Variants in ICE1 observed in about 807,000 individuals in gnomAD.
The protein encoded by ICE1 is interactor of little elongation complex ELL subunit 1.
A neutral mutation model predicts 192.7 loss-of-function variants in ICE1; 64 were observed. The observed-to-expected ratio is 0.33, with a 90% CI of 0.27 to 0.41. The LOEUF (loss-of-function observed/expected upper bound fraction) is 0.41, where lower values mean the gene tolerates loss of function less well. Among genes scored for constraint, ICE1 ranks in the 10% least tolerant of loss-of-function variants. ICE1 has a pLI of 1.00. For missense variants in ICE1, 2,708 were observed against 2,696.0 expected, an observed-to-expected ratio of 1.00 and a Z score of -0.10; for synonymous variants, 1,010 against 984.5, an observed-to-expected ratio of 1.03 and a Z score of -0.49.
At chr5:5,459,736 A>T (rs1177838509) in intron 12 of ICE1, among the ~76,000 whole-genome samples, 1 of 152,232 alleles carries the variant, frequency 6.6e-6, no homozygotes, top group Non-Finnish European at 1.5e-5. Flanking sequence ...TCTCTAACAG[A>T]ATAGAGACAA....
intron 8 of ICE1, 25 bp downstream of exon 8, chr5:5,447,534 A>T (rs371453289): frequency 1.4e-5 from 21 of 1,513,006 alleles, no homozygotes; most frequent in Non-Finnish European, 1.9e-5. Flanking sequence ...CAGCATACAC[A>T]CACCTTAAAT....
chr5:5,427,743 A>T (rs1737567345), intron 1 of ICE1, among the ~76,000 whole-genome samples: 1 of 152,198 alleles, frequency 6.6e-6, no homozygotes, highest in Non-Finnish European at 1.5e-5. Flanking sequence ...CATTTGCCAA[A>T]CACATTTATT....
intron 8 of ICE1, 75 bp downstream of exon 8, chr5:5,447,584 C>T: frequency 2.9e-6 from 4 of 1,377,130 alleles, no homozygotes; most frequent in Non-Finnish European, 4.0e-6. Context: ...TGTGTTGTAA[C>T]TCACGTAGGA....
chr5:5,447,348 G>T, intron 7 of ICE1, 79 bp from the exon 8 acceptor site: 1 of 880,504 alleles, frequency 1.1e-6, no homozygotes, highest in South Asian at 1.8e-5. Flanking sequence ...TAATAGATAA[G>T]ATTTTGAGTA....
intron 16 of ICE1, among the ~76,000 whole-genome samples, chr5:5,474,070 C>A (rs1370430048): frequency 6.6e-6 from 1 of 151,760 alleles, no homozygotes; most frequent in South Asian, 2.1e-4. Flanking sequence ...ATTAGCTGGG[C>A]GTGGTGGTGG....
intron 1 of ICE1, among the ~76,000 whole-genome samples, chr5:5,433,324 T>G (rs1737779021): frequency 6.6e-6 from 1 of 152,150 alleles, no homozygotes; most frequent in Admixed American, 6.5e-5. Flanking sequence ...TGAGAAAGTT[T>G]GCAACTAGTG....
chr5:5,453,942 C>T (rs889851720), intron 10 of ICE1, among the ~76,000 whole-genome samples: 2 of 152,114 alleles, frequency 1.3e-5, no homozygotes, highest in Admixed American at 1.3e-4. Context: ...GTATGTGCTT[C>T]TCTGTCTGCT....
At position 5,460,667 on chromosome 5, in the gene ICE1, T is replaced by C. The variant is rs1445393816; in HGVS notation, c.1333T>C (p.Phe445Leu). Residue 445 changes from phenylalanine to leucine, a missense_variant, in exon 13 of 19, where the codon TTC (phenylalanine) becomes CTC (leucine). This residue lies in a region of ICE1 where 2,366 missense variants were observed against 2,276.6 expected (regional missense o/e 1.04). Coordinates refer to ENST00000296564, the MANE Select transcript of ICE1 (RefSeq NM_015325.3). ...NKVTTSGLETFTATLRESSAT... is the reference protein window; with the variant it reads ...NKVTTSGLETLTATLRESSAT... Reference sequence around the variant, plus strand: ...AGTGACAACTTCTGGACTCGAGACTTTCACAGCAACACTGAGAGAATCTTC... The same window carrying C: ...AGTGACAACTTCTGGACTCGAGACTCTCACAGCAACACTGAGAGAATCTTC... The C allele has an allele frequency of 6.2e-7, 1 of 1,613,946 alleles. No individual in the cohort carries two copies. Among genetic ancestry groups the C allele is most frequent in the Non-Finnish European group, 8.5e-7 (1 of 1,179,892 alleles).
At chr5:5,429,221 A>G (rs1737624073) in intron 1 of ICE1, among the ~76,000 whole-genome samples, 1 of 152,106 alleles carries the variant, frequency 6.6e-6, no homozygotes, top group Non-Finnish European at 1.5e-5. Flanking sequence ...CTGGTCTTGT[A>G]GGCACCCTCT....
chr5:5,460,743 C>A lies in ICE1; in HGVS notation c.1409C>A (p.Ser470Tyr). 6.2e-7 allele frequency: 1 copy of A among 1,613,930 alleles called. No individual in the cohort carries two copies. The highest frequency in any genetic ancestry group is 8.5e-7 in the Non-Finnish European group (1 of 1,179,874). Residue 470 changes from serine to tyrosine, a missense_variant, in exon 13 of 19, where the codon TCC (serine) becomes TAC (tyrosine). This residue lies in a region of ICE1 where 2,366 missense variants were observed against 2,276.6 expected (regional missense o/e 1.04). Transcript: ENST00000296564. ...AAACACTGGACCACAGCATCTCGAT[C>A]CATGAGTGATAGAAAAAGAGACATT... ...GEKHWTTASR[S>Y]MSDRKRDILH...
intron 10 of ICE1, among the ~76,000 whole-genome samples, chr5:5,448,230 T>A (rs1386158539): frequency 6.6e-6 from 1 of 152,292 alleles, no homozygotes; most frequent in East Asian, 1.9e-4. Context: ...ATTTCCTGGG[T>A]ACCAAGTATA....
rs1737891077 is a variant in ICE1 at position 5,437,064 on chromosome 5, C to CT, written c.144-12dup. ...TAAATTAAAAAGTAACCTAATTTTT[C>CT]TTTTCTTTTTTGCAGTAATTTGTTA... On this transcript the variant is annotated splice_polypyrimidine_tract_variant and intron_variant, in intron 2 of 18. Coordinates refer to ENST00000296564, the MANE Select transcript of ICE1 (RefSeq NM_015325.3). The CT allele has an allele frequency of 1.4e-6, 2 of 1,430,302 alleles. No homozygotes were observed. Among genetic ancestry groups the CT allele is most frequent in the Non-Finnish European group, 1.9e-6 (2 of 1,037,738 alleles). 88.6% of individuals were successfully genotyped at this position (1,430,302 alleles called of 1,614,324 possible). A position where few individuals can be genotyped will look rare whatever the true frequency, so the allele number is the denominator to read the frequency against.
chr5:5,459,766 G>T (rs935088751), intron 12 of ICE1, among the ~76,000 whole-genome samples: 1 of 152,184 alleles, frequency 6.6e-6, no homozygotes, highest in Non-Finnish European at 1.5e-5. Context: ...TGCTGTCAGT[G>T]CACGCCAAGT....
intron 17 of ICE1, among the ~76,000 whole-genome samples, chr5:5,481,390 C>T (rs1467478267): frequency 6.6e-6 from 1 of 152,138 alleles, no homozygotes; most frequent in Admixed American, 6.5e-5. Flanking sequence ...CCTTATACGA[C>T]AGCGGAAGCA....
intron 12 of ICE1, 94 bp from the exon 13 acceptor site, chr5:5,460,342 G>T (rs1438601763): frequency 4.7e-6 from 4 of 857,884 alleles, no homozygotes; most frequent in Non-Finnish European, 7.1e-6. Flanking sequence ...AGATTCTTCA[G>T]GAAACGTGTA....
At chr5:5,468,073 A>G (rs180740290) in intron 14 of ICE1, among the ~76,000 whole-genome samples, 3 of 152,374 alleles carry the variant, frequency 2.0e-5, no homozygotes, top group East Asian at 1.9e-4. Context: ...CTACTTGGCT[A>G]TACAAAGGAA....
chr5:5,463,379 C>A lies in ICE1; in HGVS notation c.4045C>A (p.Arg1349Ser). 1 of 1,613,762 alleles carries A rather than the reference C, an allele frequency of 6.2e-7. No homozygotes were observed. The highest frequency in any genetic ancestry group is 8.5e-7 in the Non-Finnish European group (1 of 1,179,836). The change falls in exon 13 of 19, where the codon CGT becomes AGT. Residue 1349 changes from arginine to serine, a missense_variant. Coordinates refer to ENST00000296564, the MANE Select transcript of ICE1 (RefSeq NM_015325.3). ...NENPQSRPEA[R>S]SDAGRQTDGG... ...AAACCCTCAGAGCAGACCAGAGGCC[C>A]GTTCAGATGCAGGCAGGCAAACCGA...
intron 10 of ICE1, among the ~76,000 whole-genome samples, chr5:5,449,222 T>C (rs997478013): frequency 3.9e-5 from 6 of 152,214 alleles, no homozygotes; most frequent in Non-Finnish European, 8.8e-5. Flanking sequence ...ATGTCTGTTG[T>C]ATATTTTACT....
chr5:5,431,234 A>G lies in ICE1; in HGVS notation c.85-5184A>G, dbSNP rs536966781. ...CAAAGAACTCAAAAGAGAATGGGAG[A>G]AAAAAGAGGAAGAATCACTTTTATT... is the stretch of plus-strand genomic sequence containing the variant. On this transcript the variant is annotated intron_variant, in intron 1 of 18. Transcript: ENST00000296564. Among the ~76,000 whole-genome samples the G allele has an allele frequency of 3.3e-5, 5 of 152,338 alleles. No homozygotes were observed. In the South Asian group the frequency reaches 8.3e-4, roughly 25 times the overall value.
Sources: gnomAD v4.1 joint callset for allele counts (sites outside exome capture counted in the v4.1 genomes callset) on GRCh38, gnomAD v4.1.1 for gene constraint, gnomAD v4.1.1 regional missense constraint, MANE v1.5 for transcripts, NCBI Gene and HGNC (gene_info 2026-07-23, HGNC 2026-07-21) for gene names.